Variants in CALN1 observed in about 807,000 individuals in gnomAD.
CALN1 encodes the protein calcium-binding protein 8.
In CALN1, 17 loss-of-function variants were observed where a neutral mutation model predicts 30.6. That is an observed-to-expected ratio of 0.56 (90% confidence interval 0.38 to 0.83). The LOEUF (loss-of-function observed/expected upper bound fraction) is 0.83, where lower values mean the gene tolerates loss of function less well. Among genes scored for constraint, CALN1 ranks in the 40% least tolerant of loss-of-function variants. The pLI is 0.00. For synonymous variants in CALN1, 156 were observed against 131.4 expected (o/e 1.19, Z -1.28); for missense variants, 291 against 354.9 (o/e 0.82, Z 1.45).
intron 5 of CALN1, among the ~76,000 whole-genome samples, chr7:71,858,597 A>G (rs1231871474): frequency 6.6e-6 from 1 of 152,014 alleles, no homozygotes; most frequent in Non-Finnish European, 1.5e-5. Context: ...ACTCAAAGTC[A>G]TCCTTCTGCT....
At chr7:72,395,357 G>A (rs11981476) in intron 2 of CALN1, among the ~76,000 whole-genome samples, 81,465 of 150,154 alleles carry the variant, frequency 0.54, 23,240 homozygotes, top group African/African-American at 0.73. Flanking sequence ...GCGCACGCGC[G>A]CGCACACACA....
At chr7:71,958,646 A>G (rs967200356) in intron 5 of CALN1, among the ~76,000 whole-genome samples, 4 of 152,216 alleles carry the variant, frequency 2.6e-5, no homozygotes, top group Non-Finnish European at 4.4e-5. Flanking sequence ...TGGATTCTCC[A>G]ATCCTATGTT....
At chr7:72,278,558 CCATGGCTACA>C in intron 3 of CALN1, 118 bp downstream of exon 3, 1 of 1,254,960 alleles carries the variant, frequency 8.0e-7, no homozygotes, top group South Asian at 1.4e-5. Flanking sequence ...TCCCATTATG[CCATGGCTACA>C]CTTGGCCACA....
intron 4 of CALN1, among the ~76,000 whole-genome samples, chr7:72,069,412 G>C (rs543839986): frequency 6.6e-6 from 1 of 152,326 alleles, no homozygotes; most frequent in South Asian, 2.1e-4. Flanking sequence ...CTGGAGGCCA[G>C]AAGTCTGAAA....
intron 2 of CALN1, among the ~76,000 whole-genome samples, chr7:72,306,929 C>T (rs1799696454): frequency 6.6e-6 from 1 of 152,168 alleles, no homozygotes; most frequent in Non-Finnish European, 1.5e-5. Context: ...CGTTGACACT[C>T]CCAAAACCCC....
At chr7:72,405,812 T>C (rs554474519) in intron 1 of CALN1, among the ~76,000 whole-genome samples, 2 of 152,314 alleles carry the variant, frequency 1.3e-5, no homozygotes, top group Admixed American at 6.5e-5. Context: ...TAAATGCATA[T>C]TTCAAAAAGC....
At chr7:72,143,616 T>C (rs1464561479) in intron 3 of CALN1, among the ~76,000 whole-genome samples, 1 of 151,970 alleles carries the variant, frequency 6.6e-6, no homozygotes. Context: ...ATTCAGGAAA[T>C]ACAGAGAACG....
chr7:72,336,926 C>T (rs934973849), intron 2 of CALN1: 3 of 985,016 alleles, frequency 3.0e-6, no homozygotes, highest in Non-Finnish European at 3.6e-6. Flanking sequence ...CCCACGCGCG[C>T]GCCGGGACCT....
intron 3 of CALN1, among the ~76,000 whole-genome samples, chr7:72,140,330 A>AGAAG (rs879296354): frequency 4.1e-5 from 4 of 96,882 alleles, no homozygotes; most frequent in South Asian, 4.8e-4. Flanking sequence ...AGAGAAAGGG[A>AGAAG]GAAGGAAGGA....
At chr7:72,284,122 C>T (rs951765087) in intron 2 of CALN1, among the ~76,000 whole-genome samples, 1 of 152,032 alleles carries the variant, frequency 6.6e-6, no homozygotes, top group African/African-American at 2.4e-5. Flanking sequence ...GAGACTGTGT[C>T]TCTACAGAAA....
At chr7:71,956,532 G>C (rs1474176159) in intron 5 of CALN1, among the ~76,000 whole-genome samples, 4 of 141,796 alleles carry the variant, frequency 2.8e-5, no homozygotes, top group African/African-American at 5.3e-5. Context: ...TCGTTATGTT[G>C]CCCAGGCTGA....
chr7:72,258,189 T>C (rs1054448581), intron 3 of CALN1, among the ~76,000 whole-genome samples: 3 of 152,228 alleles, frequency 2.0e-5, no homozygotes, highest in African/African-American at 7.2e-5. Flanking sequence ...AAGTTCAGTG[T>C]GATTTCACAA....
rs564821140 is a variant in CALN1, at chr7:72,145,587, T to C, written c.245-39293A>G. On this transcript the variant is annotated intron_variant, in intron 3 of 6. Coordinates refer to ENST00000395275, the MANE Select transcript of CALN1 (RefSeq NM_031468.4). ...TTCCTTCTGAAACTATTCCAATCAA[T>C]AGAAAAAGAGGGAATCCTCCCTAAC... is the stretch of plus-strand genomic sequence containing the variant. 9.2e-5 allele frequency among the ~76,000 whole-genome samples: 14 copies of C among 152,136 alleles called. No individual in the cohort carries two copies. In the South Asian group the frequency reaches 2.5e-3, roughly 27 times the overall value.
chr7:72,310,015 C>T (rs1434798719), intron 2 of CALN1, among the ~76,000 whole-genome samples: 2 of 152,098 alleles, frequency 1.3e-5, no homozygotes, highest in African/African-American at 4.8e-5. Context: ...CCCAGGGATG[C>T]CCCCACACTG....
chr7:72,430,094 T>A (rs1345493815), intron 1 of CALN1, among the ~76,000 whole-genome samples: 1 of 151,260 alleles, frequency 6.6e-6, no homozygotes, highest in Non-Finnish European at 1.5e-5. Context: ...GTGCTGGGAT[T>A]ACAGGTGTGA....
At chr7:72,464,313 A>G in the CALN1 span, among the ~76,000 whole-genome samples, 1 of 152,194 alleles carries the variant, frequency 6.6e-6, no homozygotes, top group Non-Finnish European at 1.5e-5. Context: ...TGCCTCTTAA[A>G]AAGAAGAGAA....
At chr7:72,440,612 A>AG (rs1204980277) in intron 1 of CALN1, among the ~76,000 whole-genome samples, 1 of 152,230 alleles carries the variant, frequency 6.6e-6, no homozygotes, top group East Asian at 1.9e-4. Context: ...GGATCACTTG[A>AG]GGCCAGGAGT....
chr7:72,413,852 TC>T (rs1348762663), upstream of CALN1, among the ~76,000 whole-genome samples: 20 of 139,216 alleles, frequency 1.4e-4, no homozygotes, highest in Admixed American at 3.5e-4. Flanking sequence ...TGCACACACA[TC>T]ACACACACTC....
At chr7:71,894,806 T>G (rs1237024626) in intron 5 of CALN1, among the ~76,000 whole-genome samples, 1 of 152,252 alleles carries the variant, frequency 6.6e-6, no homozygotes, top group Non-Finnish European at 1.5e-5. Flanking sequence ...AGTAGTTTAA[T>G]TTGTATCAAT....
Sources: gnomAD v4.1 joint callset for allele counts (sites outside exome capture counted in the v4.1 genomes callset) on GRCh38, gnomAD v4.1.1 for gene constraint, MANE v1.5 for transcripts, NCBI Gene and HGNC (gene_info 2026-07-23, HGNC 2026-07-21) for gene names.